DPRX: variants seen among roughly 807,000 people sequenced by gnomAD.
DPRX encodes divergent paired-related homeobox.
DPRX carries 11 observed loss-of-function variants against 8.4 expected under a neutral mutation model. That is an observed-to-expected ratio of 1.31 (90% CI 0.82 to 2.17). The LOEUF (loss-of-function observed/expected upper bound fraction) is 2.17, where lower values mean the gene tolerates loss of function less well. Among genes scored for constraint, DPRX ranks in the 30% most tolerant of loss-of-function variants. DPRX has a pLI of 0.00. For synonymous variants in DPRX, 72 were observed against 87.0 expected, an observed-to-expected ratio of 0.83 and a Z score of 0.96; for missense variants, 211 against 236.7, an observed-to-expected ratio of 0.89 and a Z score of 0.71.
chr19:53,606,035 GAAT>G, the DPRX span: 1 of 152,122 alleles, frequency 6.6e-6, no homozygotes, highest in East Asian at 1.9e-4. The surrounding 1 kb of genome is among the most constrained non-coding windows in gnomAD (Gnocchi z 4.8). Flanking sequence ...AAAAATTGAT[GAAT>G]AATAATAAAA....
At chr19:53,605,253 AT>A in the DPRX span, among the ~76,000 whole-genome samples, 234 of 147,890 alleles carry the variant, frequency 1.6e-3, 1 homozygote, top group African/African-American at 4.1e-3. Context: ...ATTTTCTTTA[AT>A]TTTTTTTTTT....
chr19:53,632,180 T>G lies in DPRX; in HGVS notation c.28+46T>G. 3 of 1,613,052 alleles carry G rather than the reference T, an allele frequency of 1.9e-6. No homozygotes were observed. In the South Asian group the frequency reaches 3.3e-5, roughly 18 times the overall value. On this transcript the variant is annotated intron_variant, in intron 1 of 2. Coordinates refer to ENST00000376650, the Ensembl canonical transcript of DPRX. ...ACCGAAGCAAAGACACGTGAAGAAG[T>G]GGAAAGCAGCTGGCGGCGGGAAAAG...
At chr19:53,616,741 C>A in the DPRX span, 1 of 1,368,454 alleles carries the variant, frequency 7.3e-7, no homozygotes. Context: ...GCAACAAGAG[C>A]GAAACTCTGT....
chr19:53,601,766 G>C, the DPRX span, among the ~76,000 whole-genome samples: 1 of 152,098 alleles, frequency 6.6e-6, no homozygotes, highest in African/African-American at 2.4e-5. Flanking sequence ...ACAGGTGTGA[G>C]CCACCTCACC....
At chr19:53,626,860 G>A in the DPRX span, among the ~76,000 whole-genome samples, 1 of 151,924 alleles carries the variant, frequency 6.6e-6, no homozygotes, top group African/African-American at 2.4e-5. Flanking sequence ...CATCACGCCT[G>A]GCTAATTTTT....
the DPRX span, chr19:53,616,977 T>G: frequency 8.5e-7 from 1 of 1,182,224 alleles, no homozygotes; most frequent in African/African-American, 1.5e-5. Context: ...AACCGCCAGG[T>G]GTTGGCTCTA....
At chr19:53,614,029 G>A in the DPRX span, among the ~76,000 whole-genome samples, 3 of 150,826 alleles carry the variant, frequency 2.0e-5, no homozygotes, top group Non-Finnish European at 4.4e-5. Context: ...TCGGCTCACT[G>A]CAAACCCTGC....
chr19:53,629,473 C>A (rs2122154281), upstream of DPRX, among the ~76,000 whole-genome samples: 1 of 150,464 alleles, frequency 6.6e-6, no homozygotes, highest in East Asian at 2.0e-4. Flanking sequence ...GTCTCCTGGG[C>A]TCAAGCGATC....
At chr19:53,624,462 G>A in the DPRX span, among the ~76,000 whole-genome samples, 2 of 151,762 alleles carry the variant, frequency 1.3e-5, no homozygotes, top group African/African-American at 4.8e-5. Flanking sequence ...GAGTGCAGTG[G>A]CTTGATCTTG....
exon 3 of DPRX, chr19:53,636,688 G>A (rs546300623): frequency 1.2e-6 from 2 of 1,614,094 alleles, no homozygotes; most frequent in Admixed American, 1.7e-5. Flanking sequence ...CAATACCAGA[G>A]GGTGGGGTCT....
the DPRX span, among the ~76,000 whole-genome samples, chr19:53,601,596 C>T: frequency 2.6e-5 from 4 of 151,904 alleles, no homozygotes; most frequent in African/African-American, 4.8e-5. Flanking sequence ...ATTCTCCTGC[C>T]TCAGCCTCCT....
intron 2 of DPRX, among the ~76,000 whole-genome samples, chr19:53,636,293 G>A (rs1178946401): frequency 6.6e-6 from 1 of 151,970 alleles, no homozygotes; most frequent in African/African-American, 2.4e-5. Context: ...TTGAACCTGG[G>A]AGGCGGAGGT....
the DPRX span, among the ~76,000 whole-genome samples, chr19:53,623,670 G>A: frequency 4.1e-5 from 6 of 144,736 alleles, no homozygotes; most frequent in East Asian, 2.1e-4. Context: ...CTGGCCTGGC[G>A]CAATGGCTCA....
chr19:53,623,317 AT>A, the DPRX span, among the ~76,000 whole-genome samples: 2 of 142,442 alleles, frequency 1.4e-5, no homozygotes, highest in Admixed American at 1.4e-4. Context: ...AAAAAAATAA[AT>A]AAATAAATAA....
exon 2 of DPRX, chr19:53,634,634 C>T (rs756785861): frequency 6.2e-7 from 1 of 1,614,058 alleles, no homozygotes; most frequent in Admixed American, 1.7e-5. Context: ...CAAACCCCAG[C>T]CTTCAGAAAG....
At chr19:53,618,342 G>A in the DPRX span, among the ~76,000 whole-genome samples, 46 of 151,850 alleles carry the variant, frequency 3.0e-4, no homozygotes, top group Non-Finnish European at 5.7e-4. Context: ...CTTTACCTAC[G>A]GAGCTTTGGC....
upstream of DPRX, chr19:53,631,927 T>C (rs1425385104): frequency 2.0e-5 from 15 of 763,204 alleles, no homozygotes; most frequent in East Asian, 2.8e-4. Flanking sequence ...AATGACAGTA[T>C]TGGGAGAAAT....
the DPRX span, among the ~76,000 whole-genome samples, chr19:53,607,737 T>TA: frequency 6.7e-6 from 1 of 148,596 alleles, no homozygotes; most frequent in Admixed American, 6.8e-5. Flanking sequence ...CACGCACCTG[T>TA]AATCCCAGGT....
the DPRX span, among the ~76,000 whole-genome samples, chr19:53,621,541 A>G: frequency 1.3e-5 from 2 of 152,198 alleles, no homozygotes; most frequent in African/African-American, 2.4e-5. Flanking sequence ...CACGTCTATA[A>G]TCCCGGCACT....
Sources: gnomAD v4.1 joint callset for allele counts (sites outside exome capture counted in the v4.1 genomes callset) on GRCh38, gnomAD v4.1.1 for gene constraint, Gnocchi (gnomAD v3.1) non-coding constraint, MANE v1.5 for transcripts, NCBI Gene and HGNC (gene_info 2026-07-23, HGNC 2026-07-21) for gene names.